FLG: variants seen among roughly 807,000 people sequenced by gnomAD.
FLG encodes epidermal filaggrin.
In FLG, 6 loss-of-function variants were observed where a neutral mutation model predicts 3.8. That is an observed-to-expected ratio of 1.60 (90% CI 0.87 to 3.15). FLG has a LOEUF of 3.15. FLG is among the 30% of genes most tolerant of loss of function. The pLI is 0.00. For missense variants in FLG, 7,595 were observed against 5,050.9 expected (o/e 1.50, Z -15.27); for synonymous variants, 2,551 against 1,931.6 (o/e 1.32, Z -8.41).
intron 1 of FLG, among the ~76,000 whole-genome samples, chr1:152,318,330 GTCATTTCTCCA>G (rs1220411960): frequency 5.3e-5 from 8 of 151,938 alleles, no homozygotes; most frequent in Non-Finnish European, 7.4e-5. Context: ...TGAATACAGT[GTCATTTCTCCA>G]TCATTACCTC....
Position 152,304,872 on chromosome 1 carries a change from A to T in FLG, c.10014T>A (p.Ser3338Arg). The T allele has an allele frequency of 6.2e-7, 1 of 1,613,174 alleles. No individual in the cohort carries two copies. The highest frequency in any genetic ancestry group is 8.5e-7 in the Non-Finnish European group (1 of 1,179,830). Residue 3338 changes from serine to arginine, a missense_variant, in exon 3 of 3, where the codon AGT (serine) becomes AGA (arginine). Physicochemically the swap from Ser to Arg is moderately radical, Grantham distance 110. Transcript: ENST00000368799. ...AATGTCCCTCACTATCACTGGCCTG[A>T]CTACCACTGGACCCCCAGTGTCTAC... ...RDSRHWGSSG[S>R]QASDSEGHSE...
At chr1:152,324,722 A>C (rs768755784) in intron 1 of FLG, among the ~76,000 whole-genome samples, 1 of 151,860 alleles carries the variant, frequency 6.6e-6, no homozygotes, top group Admixed American at 6.6e-5. Flanking sequence ...GCCCAAGACA[A>C]TTCTTTTTCC....
In FLG at chr1:152,308,215, AGT is replaced by A. The variant is rs773346145; in HGVS notation, c.6669_6670del (p.Leu2224GlyfsTer20). On this transcript the variant is annotated frameshift_variant, in exon 3 of 3. Transcript: ENST00000368799. LOFTEE classifies it low-confidence loss of function (END_TRUNC). ...CCCTGATGATTGTCCCTGGCCCACC[AGT>A]GAGTGTCTAGAGCTGTCGGCCCAAG... 7.9e-7 allele frequency: 1 copy of A among 1,258,604 alleles called. No individual in the cohort carries two copies. The highest frequency in any genetic ancestry group is 1.0e-6 in the Non-Finnish European group (1 of 954,692). 78.0% of individuals were successfully genotyped at this position (1,258,604 alleles called of 1,614,324 possible).
rs765998289 is a variant in FLG, at chr1:152,315,295, T to G, written c.138+24A>C. On this transcript the variant is annotated intron_variant, in intron 2 of 2. Transcript: ENST00000368799. Reference sequence around the variant, plus strand: ...TGATGAGAAAAACAAATGCTCTATCTTTGGTCTTGTCAGAGACTCTTACCT... The same window carrying G: ...TGATGAGAAAAACAAATGCTCTATCGTTGGTCTTGTCAGAGACTCTTACCT... 15 of 1,611,134 alleles carry G rather than the reference T, an allele frequency of 9.3e-6. No individual in the cohort carries two copies. In the East Asian group the frequency reaches 3.1e-4, roughly 34 times the overall value.
chr1:152,310,624 T>A lies in FLG; in HGVS notation c.4262A>T (p.Gln1421Leu), dbSNP rs779724442. The change falls in exon 3 of 3, where the codon CAG (glutamine) becomes CTG (leucine). Residue 1421 changes from glutamine (Q) to leucine (L), a missense_variant. Coordinates refer to ENST00000368799, the MANE Select transcript of FLG (RefSeq NM_002016.2). ...GCCACGTGCGGACTCTTTGTGGCTCTGCTGATGGGGCCCAGCTTGTCCGTG... is the reference window on the plus strand; with the variant it reads ...GCCACGTGCGGACTCTTTGTGGCTCAGCTGATGGGGCCCAGCTTGTCCGTG... ...SAHGQAGPHQ[Q>L]SHKESARGQS... 5.0e-6 allele frequency: 8 copies of A among 1,613,918 alleles called. No individual in the cohort carries two copies. In the South Asian group the frequency reaches 8.8e-5, roughly 18 times the overall value.
chr1:152,321,260 A>G lies in FLG; in HGVS notation c.-22+3929T>C, dbSNP rs1021844818. On this transcript the variant is annotated intron_variant, in intron 1 of 2. Transcript: ENST00000368799. ...TGAAAGACTGAAAAATTAATTACCT[A>G]AGCATATATTTCAAGAAGTTTTAAA... 2.7e-5 allele frequency among the ~76,000 whole-genome samples: 4 copies of G among 150,926 alleles called. No individual in the cohort carries two copies. In the East Asian group the frequency reaches 7.7e-4, roughly 29 times the overall value.
intron 1 of FLG, 37 bp from the exon 2 acceptor site, chr1:152,315,514 T>C: frequency 1.4e-6 from 2 of 1,473,758 alleles, no homozygotes; most frequent in Non-Finnish European, 9.3e-7. Context: ...TTTTTATACA[T>C]CTTTTTTTCT....
Position 152,309,226 on chromosome 1 carries a change from T to C in FLG, c.5660A>G (p.Glu1887Gly). Reference sequence around the variant, plus strand: ...AGAGCTGTCGGCCCGAGAGGAAGCTTCATGGTGACGCGACCCTGAGTGCCT... The same window carrying C: ...AGAGCTGTCGGCCCGAGAGGAAGCTCCATGGTGACGCGACCCTGAGTGCCT... ...GSRHSGSRHH[E>G]ASSRADSSRH... The change falls in exon 3 of 3, where the codon GAA becomes GGA. Residue 1887 changes from glutamate (E) to glycine (G), a missense_variant. Physicochemically the swap from Glu to Gly is moderately conservative, Grantham distance 98. Transcript: ENST00000368799. 6.2e-7 allele frequency: 1 copy of C among 1,613,772 alleles called. No homozygotes were observed. The highest frequency in any genetic ancestry group is 1.3e-5 in the African/African-American group (1 of 74,916).
rs201419193 is a variant in FLG, at chr1:152,314,245, A to G, written c.641T>C (p.Val214Ala). The change falls in exon 3 of 3, where the codon GTA becomes GCA. Residue 214 changes from valine (V) to alanine (A), a missense_variant. Physicochemically the swap from Val to Ala is moderately conservative, Grantham distance 64. Transcript: ENST00000368799. ...LEEKEDNEEGVYDYENTGRMT... is the reference protein window; with the variant it reads ...LEEKEDNEEGAYDYENTGRMT... ...TCTTCCTGTATTTTCATAATCATAT[A>G]CTCCTTCTTCATTGTCTTCTTTCTC... The G allele has an allele frequency of 3.9e-5, 62 of 1,608,188 alleles. No individual in the cohort carries two copies. In the Admixed American group the frequency reaches 1.0e-3, roughly 27 times the overall value.
rs563764210 is a variant in FLG at position 152,304,683 on chromosome 1, C to G, written c.10203G>C (p.Gly3401=). Residue 3401 remains glycine, a synonymous_variant, in exon 3 of 3, where the codon GGG becomes GGC. Coordinates refer to ENST00000368799, the MANE Select transcript of FLG (RefSeq NM_002016.2). ...STHEQSESAH[G]RTRTSTGRRQ... Reference sequence around the variant, plus strand: ...TTCGTCCAGTGCTGGTCCTGGTCCGCCCATGGGCAGACTCAGACTGTTCAT... The same window carrying G: ...TTCGTCCAGTGCTGGTCCTGGTCCGGCCATGGGCAGACTCAGACTGTTCAT... 1 of 1,585,400 alleles carries G rather than the reference C, an allele frequency of 6.3e-7. No individual in the cohort carries two copies. The highest frequency in any genetic ancestry group is 1.2e-5 in the South Asian group (1 of 86,946).
rs776014180 is a variant in FLG, at chr1:152,303,959, CAATGCCTG to C, written c.10919_10926del (p.Ser3640TrpfsTer20). ...ACTGCAGATGAAGCTTGTCCGTGCC[CAATGCCTG>C]AGTGTCTGGAGCTGTCTGCTGACTG... On this transcript the variant is annotated frameshift_variant, in exon 3 of 3. Transcript: ENST00000368799. LOFTEE classifies it low-confidence loss of function (END_TRUNC). 23 of 1,613,672 alleles carry C rather than the reference CAATGCCTG, an allele frequency of 1.4e-5. No homozygotes were observed. Among genetic ancestry groups the C allele is most frequent in the Non-Finnish European group, 1.9e-5 (23 of 1,179,980 alleles).
chr1:152,318,790 G>T (rs1652867790), intron 1 of FLG, among the ~76,000 whole-genome samples: 1 of 151,828 alleles, frequency 6.6e-6, no homozygotes, highest in African/African-American at 2.4e-5. Flanking sequence ...CAAGATAGAT[G>T]AGGTGCCTGC....
chr1:152,312,924 T>C lies in FLG; in HGVS notation c.1962A>G (p.Arg654=). 6.2e-7 allele frequency: 1 copy of C among 1,614,070 alleles called. No homozygotes were observed. The highest frequency in any genetic ancestry group is 8.5e-7 in the Non-Finnish European group (1 of 1,180,032). Residue 654 remains arginine (R), a synonymous_variant, in exon 3 of 3, where the codon AGA becomes AGG. Coordinates refer to ENST00000368799, the MANE Select transcript of FLG (RefSeq NM_002016.2). ...GGGACCTGGGGTGTCTGGAGCCATC[T>C]CTTGACTGCTCCTGAGCAGATCCAT... ...NHHGSAQEQS[R]DGSRHPRSHH...
rs774101873 is a variant in FLG, at chr1:152,309,675, G to C, written c.5211C>G (p.His1737Gln). The C allele has an allele frequency of 1.2e-6, 2 of 1,613,866 alleles. No homozygotes were observed. Among genetic ancestry groups the C allele is most frequent in the African/African-American group, 1.3e-5 (1 of 74,966 alleles). The stretch of plus-strand genomic sequence containing the variant: ...TCTGCTGATGGGGCCCAGCCTGTCC[G>C]TGGGCTGACACTGACTGTGTGTCTG... ...EESDTQSVSA[H>Q]GQAGPHQQSH... Residue 1737 changes from histidine (H) to glutamine (Q), a missense_variant, in exon 3 of 3, where the codon CAC (histidine) becomes CAG (glutamine). Transcript: ENST00000368799.
At position 152,306,219 on chromosome 1, in the gene FLG, G is replaced by T. The variant is rs578153418; in HGVS notation, c.8667C>A (p.Ser2889=). The change falls in exon 3 of 3, where the codon TCC becomes TCA. Residue 2889 remains serine (S), a synonymous_variant. Coordinates refer to ENST00000368799, the MANE Select transcript of FLG (RefSeq NM_002016.2). ...CACTGTCACTGTCCTGGCTCACACT[G>T]GATCCCTGGCGCCTGCTTCTCCTGG... The part of the protein sequence containing the change: ...EGSRRSRRQG[S]SVSQDSDSEG... 206 of 1,604,196 alleles carry T rather than the reference G, an allele frequency of 1.3e-4. No homozygotes were observed. The East Asian group carries it at 4.5e-3, about 35-fold the overall frequency.
chr1:152,308,627 A>T lies in FLG; in HGVS notation c.6259T>A (p.Ser2087Thr), dbSNP rs537052355. The T allele has an allele frequency of 2.0e-5, 33 of 1,613,920 alleles. No individual in the cohort carries two copies. The highest frequency in any genetic ancestry group is 2.5e-5 in the Non-Finnish European group (30 of 1,180,000). The stretch of plus-strand genomic sequence containing the variant: ...CTCACCTGGTAGAGGAAAGACCCTG[A>T]ACGTCCAGAGCTTTCCCCTGACTGG... ...RGQSGESSGR[S>T]GSFLYQVSTH... The change falls in exon 3 of 3, where the codon TCA (serine) becomes ACA (threonine). Residue 2087 changes from serine (S) to threonine (T), a missense_variant. Coordinates refer to ENST00000368799, the MANE Select transcript of FLG (RefSeq NM_002016.2).
Position 152,312,506 on chromosome 1 carries a change from G to C in FLG, c.2380C>G (p.Leu794Val), listed in dbSNP as rs1183797202. ...GERSRRSGSF[L>V]YQVSTHKQSE... The stretch of plus-strand genomic sequence containing the variant: ...TGTTTATGAGTGCTCACCTGGTAGA[G>C]GAAAGACCCTGAACGTCGAGACCTT... The change falls in exon 3 of 3, where the codon CTC becomes GTC. Residue 794 changes from leucine to valine, a missense_variant. Leu to Val is a conservative substitution (Grantham distance 32, BLOSUM62 1). Transcript: ENST00000368799. 3.7e-6 allele frequency: 6 copies of C among 1,613,386 alleles called. No individual in the cohort carries two copies. Among genetic ancestry groups the C allele is most frequent in the South Asian group, 1.1e-5 (1 of 91,034 alleles).
In FLG at chr1:152,310,797, C is replaced by A. The variant is rs758893317; in HGVS notation, c.4089G>T (p.Gln1363His). Reference protein sequence around the residue: ...PGERHGSRHQQSADSSRHSGI... With the variant: ...PGERHGSRHQHSADSSRHSGI... ...CTGAGTGTCTGGAGCTGTCTGCTGA[C>A]TGCTGGTGGCGGGATCCATGTCTTT... is the stretch of plus-strand genomic sequence containing the variant. The change falls in exon 3 of 3, where the codon CAG becomes CAT. Residue 1363 changes from glutamine to histidine, a missense_variant. Coordinates refer to ENST00000368799, the MANE Select transcript of FLG (RefSeq NM_002016.2). 1 of 1,611,846 alleles carries A rather than the reference C, an allele frequency of 6.2e-7. No homozygotes were observed. The highest frequency in any genetic ancestry group is 1.1e-5 in the South Asian group (1 of 90,940).
rs142911187 is a variant in FLG at position 152,309,236 on chromosome 1, G to A, written c.5650C>T (p.Arg1884Cys). The A allele has an allele frequency of 1.3e-5, 21 of 1,613,472 alleles. No homozygotes were observed. Among genetic ancestry groups the A allele is most frequent in the Admixed American group, 1.0e-4 (6 of 59,940 alleles). The change falls in exon 3 of 3, where the codon CGT (arginine) becomes TGT (cysteine). Residue 1884 changes from arginine to cysteine, a missense_variant. Coordinates refer to ENST00000368799, the MANE Select transcript of FLG (RefSeq NM_002016.2). Reference protein sequence around the residue: ...SGDGSRHSGSRHHEASSRADS... With the variant: ...SGDGSRHSGSCHHEASSRADS... ...GCCCGAGAGGAAGCTTCATGGTGAC[G>A]CGACCCTGAGTGCCTGGAGCCGTCT... is the stretch of plus-strand genomic sequence containing the variant.
Sources: gnomAD v4.1 joint callset for allele counts (sites outside exome capture counted in the v4.1 genomes callset) on GRCh38, gnomAD v4.1.1 for gene constraint, MANE v1.5 for transcripts, NCBI Gene and HGNC (gene_info 2026-07-23, HGNC 2026-07-21) for gene names.